ITFG1: variants seen among roughly 807,000 people sequenced by gnomAD.
ITFG1 encodes the protein T-cell immunomodulatory protein.
In ITFG1, 34 loss-of-function variants were observed where a neutral mutation model predicts 81.8. The observed-to-expected ratio is 0.42, with a 90% CI of 0.32 to 0.55. The LOEUF (loss-of-function observed/expected upper bound fraction) is 0.55, where lower values mean the gene tolerates loss of function less well. ITFG1 is among the 20% of genes least tolerant of loss of function. ITFG1 has a pLI of 0.17. For synonymous variants in ITFG1, 285 were observed against 270.6 expected (o/e 1.05, Z -0.52); for missense variants, 672 against 755.4 (o/e 0.89, Z 1.29).
chr16:47,401,722 C>T (rs1332322343), intron 6 of ITFG1, among the ~76,000 whole-genome samples: 1 of 152,092 alleles, frequency 6.6e-6, no homozygotes, highest in Non-Finnish European at 1.5e-5. Context: ...CTGTGCAAAG[C>T]ACTCTTTATG....
intron 12 of ITFG1, among the ~76,000 whole-genome samples, chr16:47,252,376 A>T (rs1045523909): frequency 6.6e-6 from 1 of 152,252 alleles, no homozygotes; most frequent in African/African-American, 2.4e-5. Context: ...GAAAAAAGAA[A>T]GCTTTCCCAA....
At chr16:47,279,972 C>T (rs1436287146) in intron 10 of ITFG1, among the ~76,000 whole-genome samples, 1 of 152,060 alleles carries the variant, frequency 6.6e-6, no homozygotes, top group Admixed American at 6.6e-5. Flanking sequence ...TGTATCCTGC[C>T]ACTATCTTAA....
At chr16:47,408,905 C>G (rs571101455) in intron 6 of ITFG1, among the ~76,000 whole-genome samples, 1 of 152,010 alleles carries the variant, frequency 6.6e-6, no homozygotes, top group East Asian at 1.9e-4. Flanking sequence ...TTGATTTTTA[C>G]CATATTAAAA....
At chr16:47,460,011 C>CT (rs1464330768) in intron 1 of ITFG1, among the ~76,000 whole-genome samples, 3 of 152,198 alleles carry the variant, frequency 2.0e-5, no homozygotes, top group African/African-American at 7.2e-5. Flanking sequence ...TGTAGGTACT[C>CT]AAGAACCCTA....
intron 10 of ITFG1, among the ~76,000 whole-genome samples, chr16:47,292,362 T>C (rs1966918810): frequency 6.6e-6 from 1 of 152,198 alleles, no homozygotes; most frequent in Admixed American, 6.5e-5. Context: ...GATGTCTCTG[T>C]ATTCGATGAA....
intron 5 of ITFG1, among the ~76,000 whole-genome samples, chr16:47,443,613 C>G (rs1223727507): frequency 6.6e-6 from 1 of 152,054 alleles, no homozygotes; most frequent in Non-Finnish European, 1.5e-5. Context: ...ATGGATGAAG[C>G]TGGAAACCAT....
Position 47,409,401 on chromosome 16 carries a change from TATA to T in ITFG1, c.655+19400_655+19402del, listed in dbSNP as rs1171792144. 3.5e-3 allele frequency among the ~76,000 whole-genome samples: 106 copies of T among 30,182 alleles called. 4 individuals are homozygous for T. Among genetic ancestry groups the T allele is most frequent in the African/African-American group, 0.011 (64 of 5,826 alleles). 19.8% of individuals were successfully genotyped at this position (30,182 alleles called of 152,430 possible). A position where few individuals can be genotyped will look rare whatever the true frequency, so the allele number is the denominator to read the frequency against. On this transcript the variant is annotated intron_variant, in intron 6 of 17. Transcript: ENST00000320640. ...ATATATATATATATATATATATATATATATTTTTTTTTTTTTTTTTTTTTTTTT... is the reference window on the plus strand; with the variant it reads ...ATATATATATATATATATATATATATTTTTTTTTTTTTTTTTTTTTTTTTT...
intron 10 of ITFG1, among the ~76,000 whole-genome samples, chr16:47,297,646 T>C (rs79888172): frequency 0.033 from 5,070 of 151,778 alleles, 113 homozygotes; most frequent in African/African-American, 0.072. Flanking sequence ...TTTTTTTTTT[T>C]TCTCTTTAAG....
chr16:47,325,381 T>C (rs1020998900), intron 8 of ITFG1, among the ~76,000 whole-genome samples: 2 of 152,122 alleles, frequency 1.3e-5, no homozygotes, highest in Non-Finnish European at 2.9e-5. Context: ...AGGAAAGATC[T>C]AAAATTGACA....
chr16:47,352,370 C>G (rs1053983947), intron 8 of ITFG1, among the ~76,000 whole-genome samples: 2 of 152,086 alleles, frequency 1.3e-5, no homozygotes, highest in African/African-American at 4.8e-5. Context: ...AAGGAAAAAA[C>G]AAACAACCCC....
chr16:47,267,424 T>C (rs1224156637), intron 10 of ITFG1, among the ~76,000 whole-genome samples: 1 of 152,082 alleles, frequency 6.6e-6, no homozygotes, highest in Non-Finnish European at 1.5e-5. Context: ...AAACAAAAAT[T>C]GAAAGAACTG....
chr16:47,260,060 T>A (rs1314245687), intron 11 of ITFG1, among the ~76,000 whole-genome samples: 2 of 151,416 alleles, frequency 1.3e-5, no homozygotes, highest in Admixed American at 6.6e-5. Flanking sequence ...TGCCTCAGCC[T>A]CCCCAGCAGC....
chr16:47,413,792 T>G (rs1968839788), intron 6 of ITFG1, among the ~76,000 whole-genome samples: 2 of 152,040 alleles, frequency 1.3e-5, no homozygotes, highest in South Asian at 4.1e-4. Context: ...AACCGTAAGG[T>G]GCAGGGACTG....
intron 10 of ITFG1, among the ~76,000 whole-genome samples, chr16:47,310,764 T>G (rs1181831791): frequency 6.6e-6 from 1 of 152,182 alleles, no homozygotes; most frequent in Non-Finnish European, 1.5e-5. Flanking sequence ...TTTTACCTTA[T>G]TTAATCTTTA....
In ITFG1 at chr16:47,439,620, C is replaced by T. The variant is rs150549415; in HGVS notation, c.561-10722G>A. ...AGTGAAGGAGAAATAAAATACTTTA[C>T]AGACAAGCAAATGCTGAGAGATTTT... is the stretch of plus-strand genomic sequence containing the variant. On this transcript the variant is annotated intron_variant, in intron 5 of 17. Transcript: ENST00000320640. Among the ~76,000 whole-genome samples the T allele has an allele frequency of 8.0e-4, 122 of 152,282 alleles. No homozygotes were observed. In the East Asian group the frequency reaches 0.023, roughly 28 times the overall value.
intron 5 of ITFG1, chr16:47,448,406 C>G (rs779108880): frequency 1.3e-5 from 2 of 152,052 alleles, no homozygotes; most frequent in Non-Finnish European, 2.9e-5. Flanking sequence ...AATGGAGGGG[C>G]AAAATCTACC....
At chr16:47,455,987 A>T (rs1440030121) in intron 2 of ITFG1, among the ~76,000 whole-genome samples, 1 of 152,140 alleles carries the variant, frequency 6.6e-6, no homozygotes, top group Non-Finnish European at 1.5e-5. Flanking sequence ...ATAATGTAAG[A>T]GTATTTCAAA....
At chr16:47,416,826 T>A (rs1437516528) in intron 6 of ITFG1, among the ~76,000 whole-genome samples, 1 of 152,192 alleles carries the variant, frequency 6.6e-6, no homozygotes, top group Admixed American at 6.5e-5. Context: ...TACTTCTTTA[T>A]GTCAACACAA....
intron 8 of ITFG1, among the ~76,000 whole-genome samples, chr16:47,354,386 TA>T: frequency 6.6e-6 from 1 of 152,216 alleles, no homozygotes; most frequent in Non-Finnish European, 1.5e-5. Context: ...TTTCTCATCA[TA>T]TTAAAAAAAT....
Sources: gnomAD v4.1 joint callset for allele counts (sites outside exome capture counted in the v4.1 genomes callset) on GRCh38, gnomAD v4.1.1 for gene constraint, MANE v1.5 for transcripts, NCBI Gene and HGNC (gene_info 2026-07-23, HGNC 2026-07-21) for gene names.